EIF3H: variants seen among roughly 807,000 people sequenced by gnomAD.
The protein encoded by EIF3H is eIF-3-gamma.
In EIF3H, 26 loss-of-function variants were observed where a neutral mutation model predicts 44.2. The observed-to-expected ratio is 0.59, with a 90% CI of 0.43 to 0.82. EIF3H has a LOEUF of 0.82. Ranked by LOEUF, EIF3H falls within the 40% of genes least tolerant of loss-of-function variation. The pLI is 0.00. For synonymous variants in EIF3H, 166 were observed against 151.9 expected, an observed-to-expected ratio of 1.09 and a Z score of -0.68; for missense variants, 359 against 432.8, an observed-to-expected ratio of 0.83 and a Z score of 1.51.
intron 1 of EIF3H, among the ~76,000 whole-genome samples, chr8:116,754,669 A>G (rs1292454158): frequency 2.6e-5 from 4 of 152,350 alleles, no homozygotes; most frequent in South Asian, 2.1e-4. Context: ...AACTTGCCTT[A>G]AAGTCACAGA....
chr8:116,710,859 T>C lies in EIF3H; in HGVS notation c.289+15157A>G, dbSNP rs541785480. 9.2e-5 allele frequency among the ~76,000 whole-genome samples: 14 copies of C among 152,330 alleles called. 1 individual carries two copies. The South Asian group carries it at 2.9e-3, about 32-fold the overall frequency. On this transcript the variant is annotated intron_variant, in intron 2 of 7. Coordinates refer to ENST00000521861, the MANE Select transcript of EIF3H (RefSeq NM_003756.3). Reference sequence around the variant, plus strand: ...TACAAAAGTTCCTCCTGTGATTCTCTTTGTAAACATGAAAAGTAAGGCTGT... The same window carrying C: ...TACAAAAGTTCCTCCTGTGATTCTCCTTGTAAACATGAAAAGTAAGGCTGT...
chr8:116,725,522 A>G (rs151104547), intron 2 of EIF3H, among the ~76,000 whole-genome samples: 2 of 152,330 alleles, frequency 1.3e-5, no homozygotes, highest in East Asian at 3.9e-4. Context: ...CTTTGATGTG[A>G]GCTTTTAACT....
chr8:116,703,625 C>T (rs1814417348), intron 2 of EIF3H, among the ~76,000 whole-genome samples: 1 of 152,186 alleles, frequency 6.6e-6, no homozygotes, highest in Non-Finnish European at 1.5e-5. Context: ...TCTCTCTCTC[C>T]GCCTCGGCTA....
chr8:116,721,191 A>G (rs983424524), intron 2 of EIF3H, among the ~76,000 whole-genome samples: 51 of 151,940 alleles, frequency 3.4e-4, no homozygotes, highest in African/African-American at 1.2e-3. Flanking sequence ...CCTCCTAGCC[A>G]CTCTAGCCAT....
At position 116,726,170 on chromosome 8, in the gene EIF3H, C is replaced by T. The variant is rs1275874845; in HGVS notation, c.135G>A (p.Val45=). 3 of 1,612,248 alleles carry T rather than the reference C, an allele frequency of 1.9e-6. No homozygotes were observed. Among genetic ancestry groups the T allele is most frequent in the Non-Finnish European group, 2.5e-6 (3 of 1,179,008 alleles). ...GATAATGTTTGATTATCTTTAATAC[C>T]ACCTAAAACATACACACACAGAAGG... is the stretch of plus-strand genomic sequence containing the variant. The part of the protein sequence containing the change: ...AVKQVQIDGL[V]VLKIIKHYQE... The change falls in exon 2 of 8, where the codon GTG becomes GTA. Residue 45 remains valine, a splice_region_variant and synonymous_variant. Transcript: ENST00000521861.
At chr8:116,740,981 G>C (rs1815122588) in intron 1 of EIF3H, among the ~76,000 whole-genome samples, 2 of 152,176 alleles carry the variant, frequency 1.3e-5, no homozygotes, top group African/African-American at 2.4e-5. Context: ...ACAATTACTA[G>C]TAAGTCCTCA....
At chr8:116,668,720 G>A (rs1412420180) in intron 2 of EIF3H, among the ~76,000 whole-genome samples, 1 of 152,056 alleles carries the variant, frequency 6.6e-6, no homozygotes. Context: ...TGGGGAATGT[G>A]GGGGTCGTAG....
intron 4 of EIF3H, 22 bp from the exon 5 acceptor site, chr8:116,656,027 CTTT>C (rs767583263): frequency 3.1e-6 from 5 of 1,609,334 alleles, no homozygotes; most frequent in African/African-American, 1.3e-5. Flanking sequence ...GTTAAAAATA[CTTT>C]AGTCTGATGG....
At chr8:116,657,466 A>G in intron 3 of EIF3H, 152 bp from the exon 4 acceptor site, 1 of 624,150 alleles carries the variant, frequency 1.6e-6, no homozygotes, top group South Asian at 2.0e-5. Flanking sequence ...AAGCAGACTC[A>G]AAGCACTATT....
intron 1 of EIF3H, among the ~76,000 whole-genome samples, chr8:116,741,484 T>G (rs992844377): frequency 2.0e-4 from 31 of 152,242 alleles, no homozygotes; most frequent in African/African-American, 7.5e-4. Context: ...TAATTTTCCC[T>G]TAAAACATCA....
chr8:116,656,161 G>A (rs1001159448), intron 4 of EIF3H, among the ~76,000 whole-genome samples, 156 bp from the exon 5 acceptor site: 3 of 151,608 alleles, frequency 2.0e-5, no homozygotes, highest in African/African-American at 7.3e-5. Flanking sequence ...GAGTTTTACA[G>A]AGTCAAGCAT....
intron 2 of EIF3H, 24 bp from the exon 3 acceptor site, chr8:116,659,004 T>A (rs773133194): frequency 2.6e-6 from 4 of 1,565,194 alleles, no homozygotes; most frequent in Admixed American, 4.0e-5. Context: ...AAGAGGAAAT[T>A]AAAAGAAAAA....
At chr8:116,718,528 G>C (rs917163485) in intron 2 of EIF3H, among the ~76,000 whole-genome samples, 2 of 151,758 alleles carry the variant, frequency 1.3e-5, no homozygotes, top group Non-Finnish European at 2.9e-5. Flanking sequence ...ATATATTATG[G>C]AATATTATTC....
At chr8:116,757,193 C>G (rs1310272006), upstream of EIF3H, among the ~76,000 whole-genome samples, 5 of 152,092 alleles carry the variant, frequency 3.3e-5, no homozygotes, top group Non-Finnish European at 5.9e-5. Flanking sequence ...GCTAAACATA[C>G]TACAATGGGT....
intron 2 of EIF3H, among the ~76,000 whole-genome samples, chr8:116,684,795 A>C (rs555389128): frequency 4.6e-5 from 7 of 152,206 alleles, no homozygotes; most frequent in Non-Finnish European, 8.8e-5. Flanking sequence ...TTTATAAATC[A>C]ACATCCTGCA....
chr8:116,680,846 A>AT (rs1491120695), intron 2 of EIF3H, among the ~76,000 whole-genome samples: 3 of 13,386 alleles, frequency 2.2e-4, no homozygotes, highest in Admixed American at 6.1e-4. Context: ...TAATAAATAA[A>AT]TAAAAAAAAA....
chr8:116,757,360 A>C (rs1815466970), upstream of EIF3H, among the ~76,000 whole-genome samples: 1 of 152,180 alleles, frequency 6.6e-6, no homozygotes, highest in Non-Finnish European at 1.5e-5. Context: ...AAGGGCCCAG[A>C]AGCATTGACA....
In EIF3H at chr8:116,644,935, TTTCTTCCAAGAG is replaced by T; in HGVS notation, c.*59_*70del. The T allele has an allele frequency of 8.2e-7, 1 of 1,223,520 alleles. No homozygotes were observed. Among genetic ancestry groups the T allele is most frequent in the East Asian group, 2.4e-5 (1 of 42,300 alleles). The allele number at this position is 1,223,520 out of a possible 1,614,324, so 75.8% of individuals were successfully genotyped here. A position where few individuals can be genotyped will look rare whatever the true frequency, so the allele number is the denominator to read the frequency against. On this transcript the variant is annotated 3_prime_UTR_variant, in exon 8 of 8. Transcript: ENST00000521861. ...CTGTGCTTTTCAATATGCAAATATA[TTTCTTCCAAGAG>T]TTGCCCTGGTGTGACTTCAAGAGTT...
chr8:116,686,907 T>C (rs566879700), intron 2 of EIF3H, among the ~76,000 whole-genome samples: 9 of 152,138 alleles, frequency 5.9e-5, no homozygotes, highest in East Asian at 3.9e-4. Flanking sequence ...ATACTATATA[T>C]AGGAGAAAGA....
Sources: allele counts gnomAD v4.1 joint callset (sites outside exome capture counted in the v4.1 genomes callset), GRCh38; gene constraint gnomAD v4.1.1; transcripts MANE v1.5; gene names NCBI Gene and HGNC (gene_info 2026-07-23, HGNC 2026-07-21).